Variants in CAMK2D observed in about 807,000 individuals in gnomAD.
CAMK2D encodes the protein calcium/calmodulin-dependent protein kinase type II subunit delta.
Under a neutral mutation model 84.0 loss-of-function variants are expected in CAMK2D, and 37 were observed. That is an observed-to-expected ratio of 0.44 (90% confidence interval 0.34 to 0.58). The LOEUF (loss-of-function observed/expected upper bound fraction) is 0.58. CAMK2D is among the 20% of genes least tolerant of loss of function. The pLI is 0.02. For synonymous variants in CAMK2D, 202 were observed against 212.5 expected (o/e 0.95, Z 0.43); for missense variants, 448 against 652.5 (o/e 0.69, Z 3.41).
Position 113,744,565 on chromosome 4 carries a change from A to G in CAMK2D, c.160+14755T>C, listed in dbSNP as rs79662452. On this transcript the variant is annotated intron_variant, in intron 2 of 20. Transcript: ENST00000511664. ...AAATGCAGTATTTCCCTACACCACTATCCTAGGCCCTCTTTTCTTTCCTTT... is the reference window on the plus strand; with the variant it reads ...AAATGCAGTATTTCCCTACACCACTGTCCTAGGCCCTCTTTTCTTTCCTTT... Among the ~76,000 whole-genome samples the G allele has an allele frequency of 5.9e-3, 895 of 152,210 alleles. 6 individuals are homozygous for G. Among genetic ancestry groups the G allele is most frequent in the African/African-American group, 0.02 (848 of 41,544 alleles).
chr4:113,634,339 G>A (rs888173233), intron 3 of CAMK2D, among the ~76,000 whole-genome samples: 2 of 152,208 alleles, frequency 1.3e-5, no homozygotes, highest in African/African-American at 4.8e-5. Flanking sequence ...ACTTTATGGA[G>A]AGAGAGACCT....
intron 16 of CAMK2D, among the ~76,000 whole-genome samples, chr4:113,468,247 A>G (rs2097501743): frequency 6.6e-6 from 1 of 152,210 alleles, no homozygotes; most frequent in South Asian, 2.1e-4. Flanking sequence ...AACTGGCTTA[A>G]GGGTTGTCCT....
chr4:113,473,284 C>T (rs2097568416), intron 16 of CAMK2D, among the ~76,000 whole-genome samples: 1 of 152,138 alleles, frequency 6.6e-6, no homozygotes, highest in Non-Finnish European at 1.5e-5. Flanking sequence ...TTTTAGGCAA[C>T]TATACAAATT....
chr4:113,585,244 G>GAGT (rs1475496184), intron 4 of CAMK2D, among the ~76,000 whole-genome samples: 1 of 152,124 alleles, frequency 6.6e-6, no homozygotes, highest in Non-Finnish European at 1.5e-5. Flanking sequence ...ATTCAGGCAA[G>GAGT]AGTAATTGAT....
chr4:113,596,900 AT>A (rs1217277543), intron 4 of CAMK2D, among the ~76,000 whole-genome samples: 3 of 151,574 alleles, frequency 2.0e-5, no homozygotes. Flanking sequence ...GCTCACTGCA[AT>A]CTCAGCCTCC....
intron 4 of CAMK2D, among the ~76,000 whole-genome samples, chr4:113,607,589 G>A (rs1394570795): frequency 6.6e-6 from 1 of 151,910 alleles, no homozygotes; most frequent in Non-Finnish European, 1.5e-5. Context: ...AGTATCAGAA[G>A]CTCCCCACCG....
chr4:113,729,434 C>T (rs1237136537), intron 2 of CAMK2D, among the ~76,000 whole-genome samples: 4 of 152,178 alleles, frequency 2.6e-5, no homozygotes, highest in Non-Finnish European at 5.9e-5. Context: ...CTGGGCCTTT[C>T]CTTTGTTCTT....
At chr4:113,711,373 A>G (rs2099492052) in intron 2 of CAMK2D, among the ~76,000 whole-genome samples, 1 of 152,080 alleles carries the variant, frequency 6.6e-6, no homozygotes, top group Admixed American at 6.6e-5. Flanking sequence ...CTCAATGGAA[A>G]CTGTAATAAG....
intron 2 of CAMK2D, among the ~76,000 whole-genome samples, chr4:113,739,883 G>T (rs2148902818): frequency 6.6e-6 from 1 of 151,922 alleles, no homozygotes; most frequent in South Asian, 2.1e-4. Flanking sequence ...GGGTATAATT[G>T]AACCCATCAC....
Position 113,678,012 on chromosome 4 carries a change from T to C in CAMK2D, c.161-16240A>G, listed in dbSNP as rs572877640. On this transcript the variant is annotated intron_variant, in intron 2 of 20. Coordinates refer to ENST00000511664, the MANE Select transcript of CAMK2D (RefSeq NM_001321571.2). ...AATAAAGATTTTTTAAAGCTATCTA[T>C]GGTAACATCTCAAATAACTAGAATA... Among the ~76,000 whole-genome samples the C allele has an allele frequency of 2.0e-5, 3 of 152,280 alleles. No homozygotes were observed. In the South Asian group the frequency reaches 6.2e-4, roughly 32 times the overall value.
At chr4:113,494,683 C>G (rs534877730) in intron 16 of CAMK2D, among the ~76,000 whole-genome samples, 1 of 152,182 alleles carries the variant, frequency 6.6e-6, no homozygotes, top group Non-Finnish European at 1.5e-5. Context: ...TCGAGCTTCC[C>G]GGCTGCTTTG....
At chr4:113,461,636 G>A (rs1269105257) in intron 17 of CAMK2D, among the ~76,000 whole-genome samples, 1 of 152,152 alleles carries the variant, frequency 6.6e-6, no homozygotes, top group Admixed American at 6.5e-5. Context: ...CAGAGAAGGT[G>A]ACAAGACCTG....
At chr4:113,603,620 G>C in intron 4 of CAMK2D, among the ~76,000 whole-genome samples, 1 of 149,924 alleles carries the variant, frequency 6.7e-6, no homozygotes, top group African/African-American at 2.5e-5. Context: ...GTGCAAAAGA[G>C]ACTACTAATG....
In CAMK2D at chr4:113,761,705, C is replaced by T; in HGVS notation, c.-637G>A. ...TGGCGGCCTCGCGCTGCTCACGAGC[C>T]CGCGCGGCTTCAAGACGGCGCGGCG... is the stretch of plus-strand genomic sequence containing the variant. On this transcript the variant is annotated 5_prime_UTR_variant, in exon 1 of 21. Coordinates refer to ENST00000511664, the MANE Select transcript of CAMK2D (RefSeq NM_001321571.2). 2.1e-6 allele frequency: 2 copies of T among 964,108 alleles called. No homozygotes were observed. The highest frequency in any genetic ancestry group is 2.5e-6 in the Non-Finnish European group (2 of 810,608). 59.7% of individuals were successfully genotyped at this position (964,108 alleles called of 1,614,324 possible).
At chr4:113,629,539 C>G (rs1354932162) in intron 3 of CAMK2D, among the ~76,000 whole-genome samples, 1 of 151,826 alleles carries the variant, frequency 6.6e-6, no homozygotes, top group Non-Finnish European at 1.5e-5. Flanking sequence ...AATACTTAAT[C>G]TTACTACATG....
chr4:113,747,434 T>C (rs148222099), intron 2 of CAMK2D, among the ~76,000 whole-genome samples: 78 of 152,150 alleles, frequency 5.1e-4, no homozygotes, highest in African/African-American at 1.8e-3. Context: ...TCCTTTATGT[T>C]TTCAATAAAT....
chr4:113,513,883 T>C lies in CAMK2D; in HGVS notation c.850A>G (p.Arg284Gly). ...TTCAAGCAGTCTACAGTCTCCTGTC[T>C]GTGCATCATGGAAGCAACAGTAGAA... Reference protein sequence around the residue: ...QRSTVASMMHRQETVDCLKKF... With the variant: ...QRSTVASMMHGQETVDCLKKF... Residue 284 changes from arginine (R) to glycine (G), a missense_variant, in exon 11 of 21, where the codon AGA becomes GGA. Arg to Gly is a moderately radical substitution (Grantham distance 125). Transcript: ENST00000511664. 1 of 1,591,550 alleles carries C rather than the reference T, an allele frequency of 6.3e-7. No homozygotes were observed. The highest frequency in any genetic ancestry group is 8.6e-7 in the Non-Finnish European group (1 of 1,162,026).
chr4:113,513,150 C>G, intron 12 of CAMK2D, 178 bp downstream of exon 12: 1 of 984,470 alleles, frequency 1.0e-6, no homozygotes. Context: ...GCAGACAGCA[C>G]CCAGGTAGAC....
chr4:113,505,071 T>C (rs1330116040), intron 13 of CAMK2D, 36 bp from the exon 14 acceptor site: 1 of 1,369,070 alleles, frequency 7.3e-7, no homozygotes, highest in Non-Finnish European at 1.0e-6. Context: ...AGAGATGCCT[T>C]AAACCCCTTG....
Sources: allele counts gnomAD v4.1 joint callset (sites outside exome capture counted in the v4.1 genomes callset), GRCh38; gene constraint gnomAD v4.1.1; transcripts MANE v1.5; gene names NCBI Gene and HGNC (gene_info 2026-07-23, HGNC 2026-07-21).